Variants in NFKBID observed in about 807,000 individuals in gnomAD.
The protein encoded by NFKBID is NFKB inhibitor delta.
NFKBID carries 26 observed loss-of-function variants against 53.4 expected under a neutral mutation model. The observed-to-expected ratio is 0.49, with a 90% CI of 0.36 to 0.68. NFKBID has a LOEUF of 0.68. Ranked by LOEUF, NFKBID falls within the 30% of genes least tolerant of loss-of-function variation. The pLI, the probability that NFKBID is intolerant of heterozygous loss-of-function variation, is 0.00. For synonymous variants in NFKBID, 262 were observed against 259.8 expected (o/e 1.01, Z -0.08); for missense variants, 493 against 614.1 (o/e 0.80, Z 2.08).
chr19:35,894,253 C>T (rs1311614688), intron 9 of NFKBID, among the ~76,000 whole-genome samples: 1 of 150,154 alleles, frequency 6.7e-6, no homozygotes, highest in Non-Finnish European at 1.5e-5. Flanking sequence ...AGTGAGATTC[C>T]ATCTCAATAA....
rs536894535 is a variant in NFKBID at position 35,894,827 on chromosome 19, C to T, written c.1032+1153G>A. 2.2e-3 allele frequency among the ~76,000 whole-genome samples: 330 copies of T among 152,050 alleles called. 2 individuals are homozygous for T. Among genetic ancestry groups the T allele is most frequent in the South Asian group, 2.7e-3 (13 of 4,816 alleles). ...TGACCAACATGGAGAAACCCTGTCT[C>T]TACTAAAAATACAAAATTAGCTGGA... On this transcript the variant is annotated intron_variant, in intron 9 of 11. Transcript: ENST00000641389.
exon 3 of NFKBID, chr19:35,898,509 C>T (rs1457881285): frequency 1.3e-6 from 2 of 1,533,524 alleles, no homozygotes; most frequent in Non-Finnish European, 1.7e-6. Flanking sequence ...TCAGGGGCTG[C>T]TCTGGGGGAG....
intron 9 of NFKBID, among the ~76,000 whole-genome samples, chr19:35,895,331 A>G (rs933652951): frequency 1.3e-5 from 2 of 151,504 alleles, no homozygotes; most frequent in Non-Finnish European, 2.9e-5. Context: ...AAAAAAAAAA[A>G]AAAAAAAATA....
rs1160897163 is a variant in NFKBID, at chr19:35,893,997, G to A, written c.1032+1983C>T. ...CGGCTGGGCGCAGTGGCTTATGCCT[G>A]TAATCCCAGCACTTTGGGAGGCCAA... On this transcript the variant is annotated intron_variant, in intron 9 of 11. Coordinates refer to ENST00000641389, the Ensembl canonical transcript of NFKBID. Among the ~76,000 whole-genome samples the A allele has an allele frequency of 3.9e-5, 6 of 152,292 alleles. No homozygotes were observed. In the East Asian group the frequency reaches 1.2e-3, roughly 29 times the overall value.
Position 35,895,953 on chromosome 19 carries a change from G to A in NFKBID, c.1032+27C>T, listed in dbSNP as rs775503083. On this transcript the variant is annotated intron_variant, in intron 9 of 11. Coordinates refer to ENST00000641389, the Ensembl canonical transcript of NFKBID. ...GGCCCCATTCCACACAATCTCCCAG[G>A]GTCTGACCGCCCACATCCCCGCTCA... The A allele has an allele frequency of 8.7e-6, 14 of 1,601,266 alleles. No homozygotes were observed. The South Asian group carries it at 1.6e-4, about 18-fold the overall frequency.
At chr19:35,897,188 C>A in intron 4 of NFKBID, 130 bp from the exon 5 acceptor site, 2 of 922,342 alleles carry the variant, frequency 2.2e-6, no homozygotes, top group Non-Finnish European at 1.6e-6. Flanking sequence ...CATGCAGAGC[C>A]CCTGGGTATC....
chr19:35,900,252 CAGA>C (rs1274370103), intron 1 of NFKBID, among the ~76,000 whole-genome samples, 187 bp downstream of exon 1: 3 of 151,810 alleles, frequency 2.0e-5, no homozygotes, highest in Non-Finnish European at 4.4e-5. Context: ...CCCCAGGACC[CAGA>C]AGTCTGGGAT....
At chr19:35,888,588 G>T (rs754675713) in exon 12 of NFKBID, 1 of 1,572,772 alleles carries the variant, frequency 6.4e-7, no homozygotes, top group Non-Finnish European at 8.6e-7. Flanking sequence ...GGCGCCACAC[G>T]GCTCCTCTTC....
intron 10 of NFKBID, 119 bp from the exon 11 acceptor site, chr19:35,890,173 C>T: frequency 1.8e-6 from 2 of 1,098,930 alleles, no homozygotes; most frequent in East Asian, 2.6e-5. Context: ...TCCCAGACCT[C>T]CCCCGGCCAC....
Position 35,890,058 on chromosome 19 carries a change from GA to G in NFKBID, c.1150-5del. 6.3e-7 allele frequency: 1 copy of G among 1,595,766 alleles called. No homozygotes were observed. Among genetic ancestry groups the G allele is most frequent in the Non-Finnish European group, 8.5e-7 (1 of 1,175,746 alleles). Reference sequence around the variant, plus strand: ...GGAGGGCTGTGTTCCCGTGGGCCTGGAAAAGTAAGGGGAGGGCTGGTGGGGA... The same window carrying G: ...GGAGGGCTGTGTTCCCGTGGGCCTGGAAAGTAAGGGGAGGGCTGGTGGGGA... On this transcript the variant is annotated splice_polypyrimidine_tract_variant and splice_region_variant and intron_variant, in intron 10 of 11. Transcript: ENST00000641389.
upstream of NFKBID, chr19:35,900,802 C>G: frequency 6.9e-6 from 2 of 288,894 alleles, no homozygotes. Flanking sequence ...GATTTCTTTT[C>G]TTTTCTTTTT....
intron 1 of NFKBID, chr19:35,899,557 TAAAAAAAAAAAAAA>T (rs566857686): frequency 1.9e-5 from 1 of 53,802 alleles, no homozygotes; most frequent in African/African-American, 5.4e-5. Context: ...GAGACTCCAT[TAAAAAAAAAAAAAA>T]AAAAAAAAAA....
intron 10 of NFKBID, 148 bp downstream of exon 10, chr19:35,890,226 T>C: frequency 1.2e-6 from 1 of 842,580 alleles, no homozygotes; most frequent in South Asian, 1.6e-5. Flanking sequence ...CTACATGTTC[T>C]GGGGCAATCT....
intron 11 of NFKBID, among the ~76,000 whole-genome samples, chr19:35,889,022 G>A (rs1372895843): frequency 2.0e-5 from 3 of 150,934 alleles, no homozygotes; most frequent in Admixed American, 1.3e-4. Flanking sequence ...TCCAGCCTGG[G>A]TGACAAAGCA....
At chr19:35,892,358 C>A (rs1974826185) in intron 9 of NFKBID, among the ~76,000 whole-genome samples, 1 of 151,908 alleles carries the variant, frequency 6.6e-6, no homozygotes, top group Non-Finnish European at 1.5e-5. Context: ...AGCCATCTTT[C>A]TTATTTTTAA....
upstream of NFKBID, chr19:35,901,676 C>A: frequency 6.6e-6 from 1 of 151,462 alleles, no homozygotes. Flanking sequence ...TCACTGCAAC[C>A]TCCACTTGCC....
At chr19:35,900,827 C>CTTTTCTTTTT (rs1975530207), upstream of NFKBID, among the ~76,000 whole-genome samples, 1 of 107,608 alleles carries the variant, frequency 9.3e-6, no homozygotes, top group African/African-American at 3.6e-5. Flanking sequence ...TTTTTCTTTT[C>CTTTTCTTTTT]TTTTTTTTTT....
chr19:35,891,123 C>T (rs1229291780), intron 9 of NFKBID, among the ~76,000 whole-genome samples: 1 of 152,180 alleles, frequency 6.6e-6, no homozygotes, highest in East Asian at 1.9e-4. Context: ...GCATCCCGAC[C>T]CACACAGACT....
At chr19:35,898,394 T>C in intron 3 of NFKBID, 78 bp downstream of exon 3, 1 of 884,112 alleles carries the variant, frequency 1.1e-6, no homozygotes, top group South Asian at 1.5e-5. Flanking sequence ...CTCCCAGGTG[T>C]CCCAAAGTTC....
Sources: allele counts gnomAD v4.1 joint callset (sites outside exome capture counted in the v4.1 genomes callset), GRCh38; gene constraint gnomAD v4.1.1; transcripts MANE v1.5; gene names NCBI Gene and HGNC (gene_info 2026-07-23, HGNC 2026-07-21).